TLL2: variants seen among roughly 807,000 people sequenced by gnomAD.
TLL2 encodes tolloid-like protein 2.
A neutral mutation model predicts 123.0 loss-of-function variants in TLL2; 106 were observed. The observed-to-expected ratio is 0.86, with a 90% CI of 0.74 to 1.01. The LOEUF is 1.01. Among genes scored for constraint, TLL2 ranks in the 50% least tolerant of loss-of-function variants. The pLI, the probability that TLL2 is intolerant of heterozygous loss-of-function variation, is 0.00. For missense variants in TLL2, 1,332 were observed against 1,336.7 expected, an observed-to-expected ratio of 1.00 and a Z score of 0.06; for synonymous variants, 494 against 516.8, an observed-to-expected ratio of 0.96 and a Z score of 0.60.
intron 1 of TLL2, among the ~76,000 whole-genome samples, chr10:96,508,254 C>T (rs540882083): frequency 1.3e-5 from 2 of 152,230 alleles, no homozygotes; most frequent in Non-Finnish European, 2.9e-5. Flanking sequence ...GAGTCCCTGG[C>T]ACACTGGCCC....
chr10:96,413,315 C>T lies in TLL2; in HGVS notation c.925G>A (p.Gly309Arg), dbSNP rs903155132. 14 of 1,612,982 alleles carry T rather than the reference C, an allele frequency of 8.7e-6. No individual in the cohort carries two copies. In the African/African-American group the frequency reaches 1.9e-4, roughly 22 times the overall value. ...MHYARNTFSR[G>R]VFLDTILPRQ... ...GGAAGGATGGTGTCTAAGAAAACTC[C>T]TCTACAGGAAGGAAAAAAGACAGAA... Residue 309 changes from glycine (G) to arginine (R), a missense_variant and splice_region_variant, in exon 8 of 21, where the codon GGA becomes AGA. Physicochemically the swap from Gly to Arg is moderately radical, Grantham distance 125. Coordinates refer to ENST00000357947, the MANE Select transcript of TLL2 (RefSeq NM_012465.4).
intron 1 of TLL2, among the ~76,000 whole-genome samples, chr10:96,510,590 A>T (rs889264661): frequency 5.9e-5 from 9 of 152,374 alleles, no homozygotes; most frequent in Middle Eastern, 3.4e-3. Context: ...CTTTATCAGG[A>T]ATCATCCCCA....
chr10:96,413,239 AG>A lies in TLL2; in HGVS notation c.1000del (p.Leu334SerfsTer6). 6.2e-7 allele frequency: 1 copy of A among 1,614,200 alleles called. No individual in the cohort carries two copies. On this transcript the variant is annotated frameshift_variant, in exon 8 of 21. Transcript: ENST00000357947. LOFTEE classifies it high-confidence loss of function. ...VRPTIGQRVR[L>X]SQGDIAQARK... Reference sequence around the variant, plus strand: ...GGCTTGAGCTATGTCTCCCTGACTGAGCCGCACGCGCTGGCCAATGGTTGGC... The same window carrying A: ...GGCTTGAGCTATGTCTCCCTGACTGACCGCACGCGCTGGCCAATGGTTGGC...
At chr10:96,413,138 C>T (rs1164156557) in intron 8 of TLL2, 54 bp downstream of exon 8, 3 of 1,602,952 alleles carry the variant, frequency 1.9e-6, no homozygotes, top group East Asian at 2.2e-5. Flanking sequence ...AGCATAGGGA[C>T]TGTGCTTTGG....
intron 3 of TLL2, among the ~76,000 whole-genome samples, chr10:96,442,806 G>A (rs1359586156): frequency 3.3e-5 from 5 of 152,218 alleles, no homozygotes; most frequent in African/African-American, 1.2e-4. Flanking sequence ...CACAGCTGTG[G>A]AATCCCAGTC....
chr10:96,495,169 C>T (rs1185901605), intron 1 of TLL2, among the ~76,000 whole-genome samples: 1 of 152,122 alleles, frequency 6.6e-6, no homozygotes, highest in Non-Finnish European at 1.5e-5. Flanking sequence ...GAGATAAGCC[C>T]AGGTTATTGG....
chr10:96,409,878 C>T (rs1846484245), intron 9 of TLL2, among the ~76,000 whole-genome samples: 1 of 152,212 alleles, frequency 6.6e-6, no homozygotes. Flanking sequence ...GTCCATCCCG[C>T]TGGAGGGGCA....
Position 96,387,047 on chromosome 10 carries a change from G to T in TLL2, c.1758C>A (p.Gly586=). The T allele has an allele frequency of 6.2e-7, 1 of 1,614,066 alleles. No homozygotes were observed. Among genetic ancestry groups the T allele is most frequent in the Non-Finnish European group, 8.5e-7 (1 of 1,180,000 alleles). ...EVDECSWPDH[G]GCEHRCVNTL... ...TGTTCACACAGCGATGCTCGCACCCGCCGTGATCTGGCCAGGAACACTCAT... is the reference window on the plus strand; with the variant it reads ...TGTTCACACAGCGATGCTCGCACCCTCCGTGATCTGGCCAGGAACACTCAT... Residue 586 remains glycine (G), a synonymous_variant, in exon 14 of 21, where the codon GGC becomes GGA. Coordinates refer to ENST00000357947, the MANE Select transcript of TLL2 (RefSeq NM_012465.4).
Position 96,446,072 on chromosome 10 carries a change from T to G in TLL2, c.364+19A>C, listed in dbSNP as rs201082211. On this transcript the variant is annotated intron_variant, in intron 3 of 20. Coordinates refer to ENST00000357947, the MANE Select transcript of TLL2 (RefSeq NM_012465.4). ...AAAGAAAACAAGGTACCCAAAGACC[T>G]GGTGAGGGCTCACATTACCCTTTCC... 1.3e-5 allele frequency: 21 copies of G among 1,613,534 alleles called. No individual in the cohort carries two copies.
At chr10:96,449,442 C>T (rs1846932911) in intron 2 of TLL2, among the ~76,000 whole-genome samples, 1 of 152,202 alleles carries the variant, frequency 6.6e-6, no homozygotes, top group South Asian at 2.1e-4. Context: ...AGGCTGGAGC[C>T]ATGGCAGTTA....
At chr10:96,513,204 G>C (rs1399608971) in intron 1 of TLL2, among the ~76,000 whole-genome samples, 2 of 152,186 alleles carry the variant, frequency 1.3e-5, no homozygotes, top group Non-Finnish European at 2.9e-5. Flanking sequence ...CCCACTCGCT[G>C]TCAGGCGGCC....
chr10:96,396,054 G>A (rs375340579), intron 11 of TLL2, 34 bp from the exon 12 acceptor site: 28 of 1,610,376 alleles, frequency 1.7e-5, no homozygotes, highest in Non-Finnish European at 1.9e-5. Context: ...GGAAGACGGG[G>A]GCCCTGGTCA....
chr10:96,445,620 A>T (rs1288125477), intron 3 of TLL2, among the ~76,000 whole-genome samples: 1 of 152,128 alleles, frequency 6.6e-6, no homozygotes, highest in Non-Finnish European at 1.5e-5. Context: ...TCTCAAAGCC[A>T]CATTATTTGC....
Position 96,371,417 on chromosome 10 carries a change from G to T in TLL2, c.2663-1102C>A, listed in dbSNP as rs3827861. 3.2e-3 allele frequency among the ~76,000 whole-genome samples: 483 copies of T among 152,250 alleles called. 9 individuals carry two copies. In the East Asian group the frequency reaches 0.042, roughly 13 times the overall value. On this transcript the variant is annotated intron_variant, in intron 19 of 20. Coordinates refer to ENST00000357947, the MANE Select transcript of TLL2 (RefSeq NM_012465.4). Reference sequence around the variant, plus strand: ...AATTCTGGAAGCAAATTCTTGCACAGCCCCTCCCCAGTGTGCTCCATGCCC... The same window carrying T: ...AATTCTGGAAGCAAATTCTTGCACATCCCCTCCCCAGTGTGCTCCATGCCC...
At chr10:96,406,596 G>A (rs1846452840) in intron 9 of TLL2, among the ~76,000 whole-genome samples, 1 of 152,086 alleles carries the variant, frequency 6.6e-6, no homozygotes, top group Non-Finnish European at 1.5e-5. Context: ...CTTCCTCAAA[G>A]GTTCCCATTC....
chr10:96,510,041 T>C (rs1847613107), intron 1 of TLL2, among the ~76,000 whole-genome samples: 1 of 152,220 alleles, frequency 6.6e-6, no homozygotes, highest in Non-Finnish European at 1.5e-5. Flanking sequence ...TCCCATTTTG[T>C]AGATGAGCAG....
chr10:96,459,785 A>C (rs1847061363), intron 2 of TLL2, among the ~76,000 whole-genome samples: 1 of 146,090 alleles, frequency 6.8e-6, no homozygotes, highest in Non-Finnish European at 1.5e-5. Flanking sequence ...CTAACTCTAT[A>C]TATAAAAACA....
intron 1 of TLL2, among the ~76,000 whole-genome samples, chr10:96,506,168 A>G (rs543744377): frequency 4.9e-5 from 7 of 143,140 alleles, no homozygotes; most frequent in Non-Finnish European, 7.6e-5. Flanking sequence ...AGGACAATCA[A>G]TTGAATCCGG....
At chr10:96,504,994 C>A (rs191628979) in intron 1 of TLL2, among the ~76,000 whole-genome samples, 1 of 151,876 alleles carries the variant, frequency 6.6e-6, no homozygotes, top group Non-Finnish European at 1.5e-5. Context: ...GGCGACAGAG[C>A]GAGACTCCGT....
Sources: allele counts gnomAD v4.1 joint callset (sites outside exome capture counted in the v4.1 genomes callset), GRCh38; gene constraint gnomAD v4.1.1; transcripts MANE v1.5; gene names NCBI Gene and HGNC (gene_info 2026-07-23, HGNC 2026-07-21).